SULF1: variants seen among roughly 807,000 people sequenced by gnomAD.
SULF1 encodes the protein extracellular sulfatase Sulf-1.
Under a neutral mutation model 110.5 loss-of-function variants are expected in SULF1, and 46 were observed. That is an observed-to-expected ratio of 0.42 (90% CI 0.33 to 0.53). The LOEUF (loss-of-function observed/expected upper bound fraction) is 0.53. Ranked by LOEUF, SULF1 falls within the 20% of genes least tolerant of loss-of-function variation. The pLI is 0.12. For missense variants in SULF1, 941 were observed against 1,094.2 expected (o/e 0.86, Z 1.98); for synonymous variants, 371 against 387.1 (o/e 0.96, Z 0.49).
intron 3 of SULF1, among the ~76,000 whole-genome samples, chr8:69,530,793 A>G (rs948502973): frequency 1.3e-5 from 2 of 152,210 alleles, no homozygotes; most frequent in Non-Finnish European, 2.9e-5. Flanking sequence ...ATAACTAAGT[A>G]ACCACTTTCT....
At chr8:69,640,415 C>T (rs550868539) in intron 21 of SULF1, among the ~76,000 whole-genome samples, 247 of 152,328 alleles carry the variant, frequency 1.6e-3, no homozygotes, top group African/African-American at 5.6e-3. Context: ...GTCCTCTCCA[C>T]CTTCCAGACT....
chr8:69,553,356 C>T (rs79426484), intron 3 of SULF1, among the ~76,000 whole-genome samples: 15 of 152,310 alleles, frequency 9.8e-5, no homozygotes, highest in African/African-American at 3.6e-4. Context: ...GTTTTCAACC[C>T]TGATTGAAAC....
intron 8 of SULF1, among the ~76,000 whole-genome samples, chr8:69,589,951 G>T (rs909683523): frequency 3.3e-5 from 5 of 152,186 alleles, no homozygotes; most frequent in Non-Finnish European, 5.9e-5. Flanking sequence ...GACCATTAGG[G>T]AGACAGGGAA....
At chr8:69,467,989 T>TA (rs201118993) in intron 1 of SULF1, among the ~76,000 whole-genome samples, 18 of 79,694 alleles carry the variant, frequency 2.3e-4, no homozygotes, top group South Asian at 2.1e-3. Context: ...TTTATAGTAT[T>TA]AAAAAAAAGG....
At chr8:69,533,399 C>T (rs1009551235) in intron 3 of SULF1, among the ~76,000 whole-genome samples, 1 of 152,116 alleles carries the variant, frequency 6.6e-6, no homozygotes, top group African/African-American at 2.4e-5. Flanking sequence ...TGTTCTCCCT[C>T]CCTCCGTCCC....
intron 3 of SULF1, among the ~76,000 whole-genome samples, chr8:69,535,427 A>G (rs1434485343): frequency 6.6e-6 from 1 of 152,170 alleles, no homozygotes; most frequent in East Asian, 1.9e-4. Context: ...CACTCCAGAC[A>G]GTGTGCTCTA....
intron 13 of SULF1, among the ~76,000 whole-genome samples, chr8:69,612,922 C>T (rs976997326): frequency 6.6e-6 from 1 of 152,130 alleles, no homozygotes; most frequent in African/African-American, 2.4e-5. Flanking sequence ...GTTATGAGTT[C>T]TTTGCCTAAG....
intron 13 of SULF1, among the ~76,000 whole-genome samples, chr8:69,611,944 A>G (rs915890216): frequency 6.6e-6 from 1 of 152,262 alleles, no homozygotes; most frequent in Middle Eastern, 3.4e-3. Context: ...TAGTGCACCC[A>G]TCACCCAAGC....
At chr8:69,538,050 C>T (rs531688529) in intron 3 of SULF1, among the ~76,000 whole-genome samples, 3 of 151,946 alleles carry the variant, frequency 2.0e-5, no homozygotes, top group Admixed American at 2.0e-4. Flanking sequence ...AGGCTCCGCC[C>T]CCCGGGGTTC....
At chr8:69,656,488 C>G (rs147011588) in intron 22 of SULF1, among the ~76,000 whole-genome samples, 1 of 152,178 alleles carries the variant, frequency 6.6e-6, no homozygotes. Context: ...AACCCCACAA[C>G]AAGCCCCAGT....
In SULF1 at chr8:69,638,754, C is replaced by T. The variant is rs111626231; in HGVS notation, c.2447C>T (p.Thr816Met). Residue 816 changes from threonine to methionine, a missense_variant, in exon 21 of 23, where the codon ACG (threonine) becomes ATG (methionine). By Grantham distance (81) the Thr-to-Met change is moderately conservative. This residue lies in a region of SULF1 where 112 missense variants were observed against 133.5 expected (regional missense o/e 0.84). Coordinates refer to ENST00000402687, the MANE Select transcript of SULF1 (RefSeq NM_001128205.2). Reference sequence around the variant, plus strand: ...TCACAGCTCACAAATACAGTGCACACGGTAGAACGAGGCATTTTGAATCAG... The same window carrying T: ...TCACAGCTCACAAATACAGTGCACATGGTAGAACGAGGCATTTTGAATCAG... ...DPYQLTNTVH[T>M]VERGILNQLH... The T allele has an allele frequency of 3.3e-4, 540 of 1,614,076 alleles. 5 individuals carry two copies. The highest frequency in any genetic ancestry group is 1.7e-3 in the South Asian group (155 of 91,064).
At chr8:69,548,892 C>T (rs1992402) in intron 3 of SULF1, among the ~76,000 whole-genome samples, 36,580 of 151,920 alleles carry the variant, frequency 0.24, 5,015 homozygotes, top group African/African-American at 0.39. Context: ...TTAGATTTTG[C>T]CACAATCCCC....
At chr8:69,582,969 C>T (rs1467987701) in intron 6 of SULF1, among the ~76,000 whole-genome samples, 3 of 152,190 alleles carry the variant, frequency 2.0e-5, no homozygotes, top group Non-Finnish European at 4.4e-5. Flanking sequence ...GTAGTCAGCA[C>T]AGAAGGAAAT....
At chr8:69,486,508 A>G (rs773771371) in intron 1 of SULF1, among the ~76,000 whole-genome samples, 1 of 152,140 alleles carries the variant, frequency 6.6e-6, no homozygotes, top group African/African-American at 2.4e-5. Flanking sequence ...AGACTAATTA[A>G]ATTTCCTACG....
intron 12 of SULF1, 49 bp from the exon 13 acceptor site, chr8:69,604,754 G>A (rs931656922): frequency 6.8e-6 from 11 of 1,606,352 alleles, no homozygotes; most frequent in African/African-American, 2.7e-5. Flanking sequence ...CTCAGGGACC[G>A]TAATTCAGAT....
rs77695217 is a variant in SULF1, at chr8:69,510,423, A to T, written c.-134+8455A>T. 5.2e-3 allele frequency among the ~76,000 whole-genome samples: 789 copies of T among 152,340 alleles called. 7 individuals are homozygous for T. The highest frequency in any genetic ancestry group is 0.017 in the African/African-American group (716 of 41,582). ...TATCCTTATTGGAAAAATAGGGGCC[A>T]GTAATGCCATCAACTTCATTATGCT... On this transcript the variant is annotated intron_variant, in intron 3 of 22. Transcript: ENST00000402687.
chr8:69,473,262 A>G (rs1809165143), intron 1 of SULF1: 2 of 152,196 alleles, frequency 1.3e-5, no homozygotes, highest in South Asian at 2.1e-4. Context: ...GTAGGAAACT[A>G]TGTCTACGTT....
chr8:69,579,560 CACACAA>C (rs1314089996), intron 6 of SULF1, among the ~76,000 whole-genome samples: 67 of 124,788 alleles, frequency 5.4e-4, no homozygotes, highest in African/African-American at 2.3e-3. Context: ...CACACACACA[CACACAA>C]AAAAAAAAAA....
At chr8:69,656,169 A>G (rs1444314477) in intron 22 of SULF1, among the ~76,000 whole-genome samples, 2 of 152,208 alleles carry the variant, frequency 1.3e-5, no homozygotes, top group Non-Finnish European at 2.9e-5. Context: ...TTCCATCCTC[A>G]TATGCTTGAT....
Sources: allele counts gnomAD v4.1 joint callset (sites outside exome capture counted in the v4.1 genomes callset), GRCh38; gene constraint gnomAD v4.1.1; regional missense constraint gnomAD v4.1.1; transcripts MANE v1.5; gene names NCBI Gene and HGNC (gene_info 2026-07-23, HGNC 2026-07-21).